The following NRXN3 variants were observed in gnomAD, a reference collection of about 807,000 sequenced individuals.
NRXN3 encodes the protein neurexin 3, also known as neurexin III.
In NRXN3, 32 loss-of-function variants were observed where a neutral mutation model predicts 137.6. The observed-to-expected ratio is 0.23, with a 90% CI of 0.18 to 0.31. NRXN3 has a LOEUF of 0.31. NRXN3 is among the 10% of genes least tolerant of loss of function. NRXN3 has a pLI of 1.00. For missense variants in NRXN3, 1,574 were observed against 2,062.5 expected, an observed-to-expected ratio of 0.76 and a Z score of 4.59; for synonymous variants, 798 against 784.5, an observed-to-expected ratio of 1.02 and a Z score of -0.29.
chr14:79,579,045 A>G (rs964237465), intron 16 of NRXN3, among the ~76,000 whole-genome samples: 3 of 152,076 alleles, frequency 2.0e-5, no homozygotes, highest in African/African-American at 7.2e-5. Flanking sequence ...TACAAGTTAG[A>G]AGCATACATT....
intron 15 of NRXN3, among the ~76,000 whole-genome samples, chr14:79,229,934 C>A (rs758652092): frequency 1.3e-5 from 2 of 152,128 alleles, no homozygotes; most frequent in African/African-American, 4.8e-5. Flanking sequence ...CTCCCAGGAG[C>A]TCTCTGAGAG....
At chr14:79,421,272 C>G (rs1282516047) in intron 15 of NRXN3, among the ~76,000 whole-genome samples, 1 of 152,108 alleles carries the variant, frequency 6.6e-6, no homozygotes, top group African/African-American at 2.4e-5. Context: ...TAATATACTT[C>G]AGTGGGAAAG....
intron 15 of NRXN3, among the ~76,000 whole-genome samples, chr14:79,186,440 T>C (rs1031178540): frequency 1.1e-4 from 17 of 152,110 alleles, no homozygotes; most frequent in African/African-American, 3.6e-4. Flanking sequence ...CTCCAGTGAA[T>C]CAAATTTGGA....
intron 16 of NRXN3, among the ~76,000 whole-genome samples, chr14:79,576,578 A>G (rs905122486): frequency 6.6e-6 from 1 of 152,088 alleles, no homozygotes; most frequent in African/African-American, 2.4e-5. Context: ...AGACGGGTCT[A>G]TTTTCATTTT....
chr14:78,274,147 G>A (rs1426651396), intron 2 of NRXN3, among the ~76,000 whole-genome samples: 1 of 152,202 alleles, frequency 6.6e-6, no homozygotes, highest in African/African-American at 2.4e-5. Context: ...TTCTGCAAGT[G>A]CAATAGTGGT....
intron 4 of NRXN3, among the ~76,000 whole-genome samples, chr14:78,606,445 T>G (rs1229630974): frequency 6.6e-6 from 1 of 152,320 alleles, no homozygotes; most frequent in South Asian, 2.1e-4. Flanking sequence ...AGCTCTTTAA[T>G]CACTGAGAAA....
chr14:79,155,277 C>T (rs1212165987), intron 15 of NRXN3, among the ~76,000 whole-genome samples: 11 of 151,830 alleles, frequency 7.2e-5, no homozygotes, highest in Admixed American at 3.3e-4. Context: ...TATAATACAT[C>T]ACATCTGTAT....
intron 6 of NRXN3, chr14:78,703,745 C>G (rs1464313272): frequency 6.6e-6 from 1 of 152,224 alleles, no homozygotes; most frequent in African/African-American, 2.4e-5. Flanking sequence ...TTCCAACATT[C>G]TCCACTGATG....
At chr14:79,179,173 T>A (rs1001307156) in intron 15 of NRXN3, among the ~76,000 whole-genome samples, 2 of 152,228 alleles carry the variant, frequency 1.3e-5, no homozygotes, top group African/African-American at 4.8e-5. Flanking sequence ...GCTCATTCTT[T>A]ACTTATTTTC....
chr14:79,569,602 CGTGTGT>C (rs3061386), intron 16 of NRXN3, among the ~76,000 whole-genome samples: 4 of 145,514 alleles, frequency 2.7e-5, no homozygotes, highest in South Asian at 2.3e-4. Flanking sequence ...GAATGAGCAA[CGTGTGT>C]GTGTGTGTGT....
chr14:78,820,283 T>C lies in NRXN3; in HGVS notation c.2275+9939T>C, dbSNP rs541334101. ...ATTGCAGTTGTTTTTATGCATATCA[T>C]AAAAGATAATATAATTTGAATTCTG... On this transcript the variant is annotated intron_variant, in intron 10 of 20. Transcript: ENST00000335750. Among the ~76,000 whole-genome samples the C allele has an allele frequency of 3.3e-5, 5 of 149,580 alleles. No homozygotes were observed. The East Asian group carries it at 9.7e-4, about 29-fold the overall frequency.
intron 1 of NRXN3, among the ~76,000 whole-genome samples, chr14:78,205,171 A>G (rs1265176947): frequency 2.0e-5 from 3 of 152,226 alleles, no homozygotes; most frequent in African/African-American, 7.2e-5. Flanking sequence ...TGGGGATGCC[A>G]GAGGGTTAAT....
chr14:79,614,315 C>T (rs2098133450), intron 16 of NRXN3, among the ~76,000 whole-genome samples: 1 of 152,166 alleles, frequency 6.6e-6, no homozygotes, highest in African/African-American at 2.4e-5. Context: ...ACTTATTTAT[C>T]AATGTAAAAA....
At chr14:79,232,877 C>T (rs2072507350) in intron 15 of NRXN3, among the ~76,000 whole-genome samples, 2 of 152,120 alleles carry the variant, frequency 1.3e-5, no homozygotes, top group Non-Finnish European at 2.9e-5. Flanking sequence ...AAAATCTAAA[C>T]CTATGACATA....
intron 17 of NRXN3, among the ~76,000 whole-genome samples, chr14:79,677,830 A>G (rs572676359): frequency 6.6e-6 from 1 of 152,112 alleles, no homozygotes; most frequent in Non-Finnish European, 1.5e-5. Flanking sequence ...TTTTATTTCC[A>G]TTTCCAGTAG....
At chr14:78,610,731 T>G (rs1340863927) in intron 4 of NRXN3, among the ~76,000 whole-genome samples, 1 of 152,164 alleles carries the variant, frequency 6.6e-6, no homozygotes, top group Non-Finnish European at 1.5e-5. Flanking sequence ...TCTCTAAGGT[T>G]GACACCAAGG....
At chr14:78,885,990 T>A (rs1338376446) in intron 10 of NRXN3, among the ~76,000 whole-genome samples, 2 of 152,090 alleles carry the variant, frequency 1.3e-5, no homozygotes, top group African/African-American at 2.4e-5. Context: ...CACACAGGCC[T>A]TCCAAGATGG....
intron 4 of NRXN3, among the ~76,000 whole-genome samples, chr14:78,562,224 C>T (rs7154482): frequency 0.013 from 2,034 of 151,920 alleles, 47 homozygotes; most frequent in African/African-American, 0.047. Flanking sequence ...TGATGAAACC[C>T]AGTCTTTACT....
chr14:78,404,772 T>C (rs2153658295), intron 4 of NRXN3, among the ~76,000 whole-genome samples: 1 of 152,314 alleles, frequency 6.6e-6, no homozygotes, highest in Admixed American at 6.5e-5. Flanking sequence ...TGGGTTCTGC[T>C]TAGAATGATA....
Sources: allele counts gnomAD v4.1 joint callset (sites outside exome capture counted in the v4.1 genomes callset), GRCh38; gene constraint gnomAD v4.1.1; transcripts MANE v1.5; gene names NCBI Gene and HGNC (gene_info 2026-07-23, HGNC 2026-07-21).